TRPM3: variants seen among roughly 807,000 people sequenced by gnomAD.
TRPM3 encodes transient receptor potential cation channel subfamily M member 3, also known as long transient receptor potential channel 3.
In TRPM3, 77 loss-of-function variants were observed where a neutral mutation model predicts 181.2. The observed-to-expected ratio is 0.42, with a 90% CI of 0.35 to 0.51. The LOEUF (loss-of-function observed/expected upper bound fraction) is 0.51. TRPM3 is among the 20% of genes least tolerant of loss of function. The pLI is 0.01. For missense variants in TRPM3, 1,759 were observed against 2,196.7 expected, an observed-to-expected ratio of 0.80 and a Z score of 3.98; for synonymous variants, 745 against 796.4, an observed-to-expected ratio of 0.94 and a Z score of 1.09.
intron 1 of TRPM3, among the ~76,000 whole-genome samples, chr9:71,440,265 A>G (rs1051361862): frequency 1.3e-5 from 2 of 152,220 alleles, no homozygotes; most frequent in African/African-American, 2.4e-5. Context: ...CCAAGGCTAC[A>G]CAGCTAATAA....
At chr9:71,426,394 A>AT (rs373052216) in intron 1 of TRPM3, among the ~76,000 whole-genome samples, 5 of 151,762 alleles carry the variant, frequency 3.3e-5, no homozygotes, top group African/African-American at 1.2e-4. Flanking sequence ...TTCTCAATAA[A>AT]TTTTCAAGAT....
chr9:71,010,317 T>C (rs1259963146), intron 1 of TRPM3, among the ~76,000 whole-genome samples: 1 of 151,986 alleles, frequency 6.6e-6, no homozygotes, highest in Non-Finnish European at 1.5e-5. Context: ...GAGAAAGAAG[T>C]TGCAAACCAT....
intron 1 of TRPM3, among the ~76,000 whole-genome samples, chr9:70,887,881 C>T (rs897738607): frequency 1.3e-5 from 2 of 152,140 alleles, no homozygotes; most frequent in Non-Finnish European, 2.9e-5. Context: ...TTCCCATAAC[C>T]ATCATATGAT....
At chr9:70,770,560 T>C (rs901507821) in intron 7 of TRPM3, among the ~76,000 whole-genome samples, 8 of 152,182 alleles carry the variant, frequency 5.3e-5, no homozygotes, top group Admixed American at 4.6e-4. Flanking sequence ...CAATCTGCTA[T>C]AGGAGATGGA....
Position 70,935,178 on chromosome 9 carries a change from C to A in TRPM3, c.178-70667G>T, listed in dbSNP as rs541293733. 7.2e-5 allele frequency among the ~76,000 whole-genome samples: 11 copies of A among 152,280 alleles called. No homozygotes were observed. In the South Asian group the frequency reaches 1.9e-3, roughly 26 times the overall value. ...GCGAGGACTTCCCCACTTCTCTGGG[C>A]AGTTGTTTTTTCTTTCTTCTCTAGA... On this transcript the variant is annotated intron_variant, in intron 1 of 25. Transcript: ENST00000677713.
chr9:71,219,828 A>G (rs992691129), intron 1 of TRPM3, among the ~76,000 whole-genome samples: 1 of 152,238 alleles, frequency 6.6e-6, no homozygotes, highest in African/African-American at 2.4e-5. Context: ...TCAGGGGGTC[A>G]TAGAATGTGT....
rs186156005 is a variant in TRPM3 at position 70,917,245 on chromosome 9, A to C, written c.178-52734T>G. The C allele has an allele frequency of 5.1e-6, 8 of 1,557,618 alleles. No individual in the cohort carries two copies. The East Asian group carries it at 1.6e-4, about 31-fold the overall frequency. ...AATACAGGGCAATAGCAGTGAGTGCATCAGTTATCATAAACACCAATTCAG... is the reference window on the plus strand; with the variant it reads ...AATACAGGGCAATAGCAGTGAGTGCCTCAGTTATCATAAACACCAATTCAG... On this transcript the variant is annotated intron_variant, in intron 1 of 25. Coordinates refer to ENST00000677713, the MANE Select transcript of TRPM3 (RefSeq NM_001366145.2).
chr9:71,118,431 A>G (rs185777281), intron 1 of TRPM3, among the ~76,000 whole-genome samples: 1 of 152,326 alleles, frequency 6.6e-6, no homozygotes, highest in Non-Finnish European at 1.5e-5. Flanking sequence ...AATGGAAAAT[A>G]AGGAAATAGG....
At chr9:71,278,125 AAAATCCTGATC>A (rs1167196979) in intron 1 of TRPM3, among the ~76,000 whole-genome samples, 1 of 152,218 alleles carries the variant, frequency 6.6e-6, no homozygotes, top group Non-Finnish European at 1.5e-5. Flanking sequence ...GGTCCATGGG[AAAATCCTGATC>A]AATTAGTACA....
intron 1 of TRPM3, among the ~76,000 whole-genome samples, chr9:71,252,184 G>A (rs2082385078): frequency 1.3e-5 from 2 of 151,992 alleles, no homozygotes; most frequent in Admixed American, 1.3e-4. Context: ...TTCCCCAAAG[G>A]AAAATTTAGA....
intron 12 of TRPM3, among the ~76,000 whole-genome samples, chr9:70,631,872 G>A (rs2065920647): frequency 1.3e-5 from 2 of 152,334 alleles, no homozygotes; most frequent in South Asian, 4.1e-4. Context: ...GAGATGTCAT[G>A]CTGATTGACT....
At chr9:71,258,021 T>A (rs1375618381) in intron 1 of TRPM3, among the ~76,000 whole-genome samples, 1 of 152,212 alleles carries the variant, frequency 6.6e-6, no homozygotes, top group Non-Finnish European at 1.5e-5. Context: ...AGAATGCACA[T>A]CTGAAGGTTT....
chr9:71,077,857 T>G (rs779001839), intron 1 of TRPM3, among the ~76,000 whole-genome samples: 4 of 152,086 alleles, frequency 2.6e-5, no homozygotes, highest in Non-Finnish European at 5.9e-5. Context: ...CCTTTATACT[T>G]TCAATATGTT....
chr9:71,031,221 T>C (rs1565018491), intron 1 of TRPM3, among the ~76,000 whole-genome samples: 1 of 152,236 alleles, frequency 6.6e-6, no homozygotes, highest in Non-Finnish European at 1.5e-5. Flanking sequence ...CACATATACA[T>C]TGAATGCCAA....
intron 1 of TRPM3, among the ~76,000 whole-genome samples, chr9:71,089,823 C>T (rs1169085897): frequency 1.3e-5 from 2 of 152,028 alleles, no homozygotes. Flanking sequence ...ATCCTGAAAG[C>T]TTATAGGCTG....
chr9:71,017,866 A>T (rs985200148), intron 1 of TRPM3, among the ~76,000 whole-genome samples: 4 of 151,870 alleles, frequency 2.6e-5, no homozygotes, highest in African/African-American at 9.7e-5. Flanking sequence ...ATACCCAACA[A>T]TGGTTGCATA....
chr9:71,057,109 T>C (rs1223324414), intron 1 of TRPM3, among the ~76,000 whole-genome samples: 1 of 152,074 alleles, frequency 6.6e-6, no homozygotes. Flanking sequence ...CCATGCCATC[T>C]GCTCATGACC....
rs983964559 is a variant in TRPM3 at position 70,827,963 on chromosome 9, T to C, written c.857A>G (p.Asn286Ser). 6.2e-7 allele frequency: 1 copy of C among 1,614,100 alleles called. No homozygotes were observed. The highest frequency in any genetic ancestry group is 8.5e-7 in the Non-Finnish European group (1 of 1,179,964). The change falls in exon 6 of 26, where the codon AAC (asparagine) becomes AGC (serine). Residue 286 changes from asparagine to serine, a missense_variant. Transcript: ENST00000677713. ...SNPMSKLTVL[N>S]SMHSHFILAD... ...CAGAATGAAGTGGGAATGCATGCTG[T>C]TGAGAACAGTGAGCTTGCTCATGGG... is the stretch of plus-strand genomic sequence containing the variant.
Position 71,189,002 on chromosome 9 carries a change from T to G in TRPM3, c.183+257651A>C, listed in dbSNP as rs549006177. Among the ~76,000 whole-genome samples, 13 of 152,016 alleles carry G rather than the reference T, an allele frequency of 8.6e-5. No homozygotes were observed. The Middle Eastern group carries it at 0.014, about 159-fold the overall frequency. ...TTACAAATTCAAGACAGAAAGACAT[T>G]GATTGTTCTCATTCCCAAGCCTTAA... On this transcript the variant is annotated intron_variant, in intron 1 of 24. Coordinates refer to the TRPM3 transcript ENST00000357533.
Sources: gnomAD v4.1 joint callset for allele counts (sites outside exome capture counted in the v4.1 genomes callset) on GRCh38, gnomAD v4.1.1 for gene constraint, MANE v1.5 for transcripts, NCBI Gene and HGNC (gene_info 2026-07-23, HGNC 2026-07-21) for gene names.